The following PCDH9 variants were observed in gnomAD, a reference collection of about 807,000 sequenced individuals.
PCDH9 encodes protocadherin 9.
Under a neutral mutation model 70.6 loss-of-function variants are expected in PCDH9, and 24 were observed. The observed-to-expected ratio is 0.34, with a 90% confidence interval of 0.25 to 0.48. The LOEUF is 0.48. Ranked by LOEUF, PCDH9 falls within the 20% of genes least tolerant of loss-of-function variation. The pLI is 0.99. For synonymous variants in PCDH9, 562 were observed against 558.5 expected, an observed-to-expected ratio of 1.01 and a Z score of -0.09; for missense variants, 1,281 against 1,503.6, an observed-to-expected ratio of 0.85 and a Z score of 2.45.
chr13:66,541,545 A>AATT (rs1960956372), intron 4 of PCDH9, among the ~76,000 whole-genome samples: 2 of 152,138 alleles, frequency 1.3e-5, no homozygotes, highest in Non-Finnish European at 2.9e-5. Flanking sequence ...CTGACAGCCT[A>AATT]ATTTCAATCT....
intron 3 of PCDH9, among the ~76,000 whole-genome samples, chr13:66,689,127 T>A (rs937576434): frequency 3.9e-5 from 6 of 152,206 alleles, no homozygotes; most frequent in African/African-American, 1.4e-4. Context: ...TTATAAATTC[T>A]GCTTTCATTT....
intron 4 of PCDH9, among the ~76,000 whole-genome samples, chr13:66,472,152 C>T (rs1277490738): frequency 7.1e-6 from 1 of 140,760 alleles, no homozygotes; most frequent in Non-Finnish European, 1.5e-5. Context: ...GCAGAGGTTA[C>T]AGTGAGCCGA....
At chr13:66,616,590 T>C (rs1480902004) in intron 4 of PCDH9, among the ~76,000 whole-genome samples, 4 of 149,884 alleles carry the variant, frequency 2.7e-5, no homozygotes, top group African/African-American at 7.4e-5. Flanking sequence ...ACAAGAGGAA[T>C]GGGTAATGTA....
In PCDH9 at chr13:66,417,952, A is replaced by G. The variant is rs185301285; in HGVS notation, c.3341-112924T>C. Among the ~76,000 whole-genome samples the G allele has an allele frequency of 6.6e-4, 100 of 152,220 alleles. 1 individual carries two copies. Among genetic ancestry groups the G allele is most frequent in the African/African-American group, 1.9e-3 (77 of 41,532 alleles). On this transcript the variant is annotated intron_variant, in intron 4 of 4. Transcript: ENST00000377865. ...TTGCAAAAATTTTCTCCCACTCTGTAGGTTTTCTGTTCACTCTGATGATAG... is the reference window on the plus strand; with the variant it reads ...TTGCAAAAATTTTCTCCCACTCTGTGGGTTTTCTGTTCACTCTGATGATAG...
At chr13:66,995,450 A>G (rs1368998921) in intron 2 of PCDH9, among the ~76,000 whole-genome samples, 5 of 152,158 alleles carry the variant, frequency 3.3e-5, no homozygotes, top group Non-Finnish European at 7.4e-5. Flanking sequence ...GCTGGTGCAT[A>G]AAAGTGTCCA....
At chr13:67,056,713 G>A (rs762059161) in intron 2 of PCDH9, among the ~76,000 whole-genome samples, 7 of 152,046 alleles carry the variant, frequency 4.6e-5, no homozygotes, top group Non-Finnish European at 7.4e-5. Context: ...TGGTTATGAC[G>A]TATTATGACA....
intron 2 of PCDH9, among the ~76,000 whole-genome samples, chr13:67,001,202 G>A (rs1020843242): frequency 6.6e-6 from 1 of 152,158 alleles, no homozygotes; most frequent in Non-Finnish European, 1.5e-5. Flanking sequence ...AATAAAAGTG[G>A]AGATTTGATG....
intron 2 of PCDH9, among the ~76,000 whole-genome samples, chr13:66,903,890 C>CGGTGCTA (rs2082316931): frequency 6.6e-6 from 1 of 151,854 alleles, no homozygotes; most frequent in African/African-American, 2.4e-5. Context: ...ACATTTATGA[C>CGGTGCTA]TTTGGTAGCT....
intron 3 of PCDH9, among the ~76,000 whole-genome samples, chr13:66,749,088 G>T (rs192879283): frequency 2.2e-4 from 33 of 152,200 alleles, no homozygotes; most frequent in Admixed American, 1.2e-3. Flanking sequence ...GTTTCCTGAG[G>T]CCTCCCCAGC....
At chr13:66,323,407 A>C (rs1955789980) in intron 4 of PCDH9, 1 of 152,054 alleles carries the variant, frequency 6.6e-6, no homozygotes, top group Non-Finnish European at 1.5e-5. Context: ...AGAAAGAGTA[A>C]GTCGTTTATA....
chr13:66,419,928 A>C (rs1202231340), intron 4 of PCDH9, among the ~76,000 whole-genome samples: 1 of 152,086 alleles, frequency 6.6e-6, no homozygotes, highest in Non-Finnish European at 1.5e-5. Flanking sequence ...ACTGGCTTGA[A>C]ATTCTCGCTG....
chr13:66,702,742 C>G (rs1157694514), intron 3 of PCDH9, among the ~76,000 whole-genome samples: 2 of 151,986 alleles, frequency 1.3e-5, no homozygotes, highest in Non-Finnish European at 2.9e-5. Flanking sequence ...GTCACTAAAG[C>G]TAGAAAAATA....
intron 2 of PCDH9, among the ~76,000 whole-genome samples, chr13:66,999,486 T>G (rs528248773): frequency 4.1e-4 from 63 of 152,190 alleles, no homozygotes; most frequent in Middle Eastern, 3.4e-3. Context: ...AAGTTTTTAG[T>G]TTAATTAAAC....
intron 3 of PCDH9, among the ~76,000 whole-genome samples, chr13:66,662,038 AGTATG>A (rs2078015718): frequency 4.4e-5 from 5 of 113,372 alleles, no homozygotes; most frequent in African/African-American, 1.8e-4. Flanking sequence ...ATCCTTTGTG[AGTATG>A]TGTGTGTGTG....
At chr13:67,192,324 TCAAA>T (rs1373109320) in intron 2 of PCDH9, among the ~76,000 whole-genome samples, 1 of 152,156 alleles carries the variant, frequency 6.6e-6, no homozygotes, top group Non-Finnish European at 1.5e-5. Flanking sequence ...TAACTAAAAA[TCAAA>T]CAAATATTAG....
intron 2 of PCDH9, among the ~76,000 whole-genome samples, chr13:67,114,891 GT>G (rs1383488640): frequency 6.6e-6 from 1 of 152,180 alleles, no homozygotes; most frequent in Non-Finnish European, 1.5e-5. Flanking sequence ...AATTGCCTTA[GT>G]TTTGAGTATA....
chr13:67,075,545 T>C (rs1021369072), intron 2 of PCDH9, among the ~76,000 whole-genome samples: 1 of 152,106 alleles, frequency 6.6e-6, no homozygotes, highest in Admixed American at 6.6e-5. Context: ...GATGGGTTTT[T>C]TTTCTTAATT....
chr13:66,822,830 A>G (rs1399293710), intron 3 of PCDH9, among the ~76,000 whole-genome samples: 1 of 152,130 alleles, frequency 6.6e-6, no homozygotes, highest in Non-Finnish European at 1.5e-5. Flanking sequence ...CTTTAAAATC[A>G]TTAATATACT....
chr13:67,189,514 C>T (rs187855347), intron 2 of PCDH9, among the ~76,000 whole-genome samples: 2 of 151,994 alleles, frequency 1.3e-5, no homozygotes, highest in African/African-American at 2.4e-5. Flanking sequence ...TGGTTAGTGA[C>T]TACTTCTTTG....
Sources: allele counts gnomAD v4.1 joint callset (sites outside exome capture counted in the v4.1 genomes callset), GRCh38; gene constraint gnomAD v4.1.1; transcripts MANE v1.5; gene names NCBI Gene and HGNC (gene_info 2026-07-23, HGNC 2026-07-21).